The following MKRN1 variants were observed in gnomAD, a reference collection of about 807,000 sequenced individuals.
MKRN1 encodes E3 ubiquitin-protein ligase makorin-1.
Under a neutral mutation model 55.5 loss-of-function variants are expected in MKRN1, and 9 were observed. The ratio of observed to expected loss-of-function variants is 0.16; its 90% CI spans 0.10 to 0.28. MKRN1 has a LOEUF of 0.28. Among genes scored for constraint, MKRN1 ranks in the 10% least tolerant of loss-of-function variants. MKRN1 has a pLI of 1.00. For missense variants in MKRN1, 488 were observed against 626.7 expected, an observed-to-expected ratio of 0.78 and a Z score of 2.36; for synonymous variants, 253 against 235.9, an observed-to-expected ratio of 1.07 and a Z score of -0.66.
chr7:140,472,145 C>A (rs1794947094), intron 1 of MKRN1, 134 bp from the exon 2 acceptor site: 1 of 1,215,802 alleles, frequency 8.2e-7, no homozygotes, highest in East Asian at 2.6e-5. Flanking sequence ...AAGGGCCAGG[C>A]ATGGTGGCTC....
Position 140,469,250 on chromosome 7 carries a change from C to T in MKRN1, c.314+2633G>A, listed in dbSNP as rs553702121. Among the ~76,000 whole-genome samples the T allele has an allele frequency of 4.0e-5, 6 of 151,328 alleles. No individual in the cohort carries two copies. The East Asian group carries it at 7.8e-4, about 20-fold the overall frequency. On this transcript the variant is annotated intron_variant, in intron 2 of 7. Transcript: ENST00000255977. Reference sequence around the variant, plus strand: ...CTGAGGCAGGAGAATGGCGTGAACCCGGGAGGCGGAGCTTGCAGTGAGCTG... The same window carrying T: ...CTGAGGCAGGAGAATGGCGTGAACCTGGGAGGCGGAGCTTGCAGTGAGCTG...
chr7:140,479,517 T>C (rs941468795), upstream of MKRN1: 3 of 628,144 alleles, frequency 4.8e-6, no homozygotes, highest in South Asian at 2.0e-4. Context: ...CCACTTCAAC[T>C]GCGGGCCCAG....
intron 2 of MKRN1, among the ~76,000 whole-genome samples, chr7:140,463,101 C>T (rs577083606): frequency 2.0e-5 from 3 of 152,330 alleles, no homozygotes; most frequent in East Asian, 3.9e-4. Context: ...TCTCCAAAGA[C>T]ATTCATATTC....
intron 2 of MKRN1, among the ~76,000 whole-genome samples, chr7:140,462,987 C>T (rs1335044114): frequency 5.9e-5 from 9 of 151,960 alleles, no homozygotes; most frequent in Non-Finnish European, 1.0e-4. Context: ...AGACTATGCG[C>T]GGTGGCTCAT....
At chr7:140,476,796 T>TAG (rs1795130996) in intron 1 of MKRN1, among the ~76,000 whole-genome samples, 1 of 151,792 alleles carries the variant, frequency 6.6e-6, no homozygotes, top group South Asian at 2.1e-4. Flanking sequence ...ATAAGGATCA[T>TAG]AGACCGGGTG....
intron 1 of MKRN1, among the ~76,000 whole-genome samples, chr7:140,474,922 T>C (rs1291693074): frequency 6.6e-6 from 1 of 151,934 alleles, no homozygotes; most frequent in East Asian, 1.9e-4. Context: ...TTTCGTCATG[T>C]TGGCCAGGCT....
Position 140,456,024 on chromosome 7 carries a change from G to A in MKRN1, c.987-124C>T, listed in dbSNP as rs139345958. 8.3e-5 allele frequency: 86 copies of A among 1,032,980 alleles called. No individual in the cohort carries two copies. The African/African-American group carries it at 1.2e-3, about 14-fold the overall frequency. 64.0% of individuals were successfully genotyped at this position (1,032,980 alleles called of 1,614,324 possible). A position where few individuals can be genotyped will look rare whatever the true frequency, so the allele number is the denominator to read the frequency against. The stretch of plus-strand genomic sequence containing the variant: ...ACTGAAAGGCACGTGGGCATTTCCT[G>A]AAAGGGTTCCACATACTGTCACACA... On this transcript the variant is annotated intron_variant, in intron 5 of 7. Transcript: ENST00000255977.
At chr7:140,476,807 C>T (rs570361442) in intron 1 of MKRN1, among the ~76,000 whole-genome samples, 32 of 151,952 alleles carry the variant, frequency 2.1e-4, no homozygotes, top group Admixed American at 5.9e-4. Flanking sequence ...AGACCGGGTG[C>T]GGTGGCTCAC....
At chr7:140,460,246 C>CAAAAA (rs58698651) in intron 2 of MKRN1, 8 of 77,262 alleles carry the variant, frequency 1.0e-4, no homozygotes, top group South Asian at 7.6e-4. Context: ...GACTCCGTCT[C>CAAAAA]AAAAAAAAAA....
Position 140,476,202 on chromosome 7 carries a change from A to G in MKRN1, c.185+2958T>C, listed in dbSNP as rs371916087. ...TTTAGGTGATGTTTACCTAGCAAAC[A>G]TATTGAAAATGTTTATTTATAATAC... On this transcript the variant is annotated intron_variant, in intron 1 of 7. Coordinates refer to ENST00000255977, the MANE Select transcript of MKRN1 (RefSeq NM_013446.4). 4.6e-5 allele frequency among the ~76,000 whole-genome samples: 7 copies of G among 152,214 alleles called. No individual in the cohort carries two copies. The East Asian group carries it at 1.2e-3, about 25-fold the overall frequency.
intron 2 of MKRN1, among the ~76,000 whole-genome samples, chr7:140,461,764 A>T (rs1426808061): frequency 1.6e-4 from 25 of 152,006 alleles, no homozygotes; most frequent in Admixed American, 1.6e-3. Flanking sequence ...CGGGTGGATC[A>T]CCTGAGGTTG....
Position 140,479,449 on chromosome 7 carries a change from A to G in MKRN1, c.-105T>C. 1 of 1,147,214 alleles carries G rather than the reference A, an allele frequency of 8.7e-7. No individual in the cohort carries two copies. Among genetic ancestry groups the G allele is most frequent in the Non-Finnish European group, 1.1e-6 (1 of 905,224 alleles). 71.1% of individuals were successfully genotyped at this position (1,147,214 alleles called of 1,614,324 possible). On this transcript the variant is annotated 5_prime_UTR_variant, in exon 1 of 8. Transcript: ENST00000255977. ...GAGGCCAGGCGAGGGGAGGGGAAGG[A>G]CACTGAGGCACCCGTTCGGTCCCCG...
intron 2 of MKRN1, among the ~76,000 whole-genome samples, chr7:140,463,629 T>C (rs1273743388): frequency 1.3e-5 from 2 of 152,086 alleles, no homozygotes; most frequent in East Asian, 1.9e-4. Flanking sequence ...CTCACGCCTG[T>C]AATCCCAGCA....
Position 140,453,115 on chromosome 7 carries a change from G to A in MKRN1, c.*1402C>T, listed in dbSNP as rs1483043972. 6.6e-6 allele frequency: 1 copy of A among 152,486 alleles called. No homozygotes were observed. 9.4% of individuals were successfully genotyped at this position (152,486 alleles called of 1,614,324 possible). ...CAAAAGGGCAGCTGCAAAATACAGA[G>A]ACCTCTGCAACAATTATTTGTTTTT... On this transcript the variant is annotated 3_prime_UTR_variant, in exon 8 of 8. Coordinates refer to ENST00000255977, the MANE Select transcript of MKRN1 (RefSeq NM_013446.4).
intron 2 of MKRN1, among the ~76,000 whole-genome samples, chr7:140,462,309 C>T (rs1323860972): frequency 6.6e-6 from 1 of 152,150 alleles, no homozygotes; most frequent in African/African-American, 2.4e-5. Flanking sequence ...GCATGAGCCA[C>T]CGTGCTCGGC....
chr7:140,479,277 G>A lies in MKRN1; in HGVS notation c.68C>T (p.Ala23Val). 1 of 1,389,282 alleles carries A rather than the reference G, an allele frequency of 7.2e-7. No individual in the cohort carries two copies. The highest frequency in any genetic ancestry group is 9.3e-7 in the Non-Finnish European group (1 of 1,071,914). The allele number at this position is 1,389,282 out of a possible 1,614,324, so 86.1% of individuals were successfully genotyped here. A position where few individuals can be genotyped will look rare whatever the true frequency, so the allele number is the denominator to read the frequency against. ...TSGAGAAAATAAAASPTPIPT... is the reference protein window; with the variant it reads ...TSGAGAAAATVAAASPTPIPT... ...GATCGGGGTGGGGGAGGCTGCTGCC[G>A]CCGTCGCCGCTGCCGCTCCTGCTCC... is the stretch of plus-strand genomic sequence containing the variant. Residue 23 changes from alanine to valine, a missense_variant, in exon 1 of 8, where the codon GCG becomes GTG. Physicochemically the swap from Ala to Val is moderately conservative, Grantham distance 64. Coordinates refer to ENST00000255977, the MANE Select transcript of MKRN1 (RefSeq NM_013446.4).
rs1365641693 is a variant in MKRN1 at position 140,459,018 on chromosome 7, G to C, written c.760C>G (p.Gln254Glu). 2 of 1,613,760 alleles carry C rather than the reference G, an allele frequency of 1.2e-6. No homozygotes were observed. The highest frequency in any genetic ancestry group is 3.3e-5 in the Admixed American group (2 of 59,984). The stretch of plus-strand genomic sequence containing the variant: ...CCCTAAAGACTTACTTTGATATGCT[G>C]CGATCTCTGGGCAGCATCCATTGGA... ...LHPMDAAQRS[Q>E]HIKSCIEAHE... Residue 254 changes from glutamine (Q) to glutamate (E), a missense_variant, in exon 4 of 8, where the codon CAG becomes GAG. Gln to Glu is a conservative substitution (Grantham distance 29). This residue lies in a region of MKRN1 where 278 missense variants were observed against 406.7 expected (regional missense o/e 0.68). Coordinates refer to ENST00000255977, the MANE Select transcript of MKRN1 (RefSeq NM_013446.4).
At chr7:140,466,067 G>A (rs1024179147) in intron 2 of MKRN1, among the ~76,000 whole-genome samples, 18 of 152,088 alleles carry the variant, frequency 1.2e-4, no homozygotes, top group Middle Eastern at 3.4e-3. Flanking sequence ...GTGACAGAGC[G>A]AGACTCCATC....
At chr7:140,476,608 T>C (rs1795124831) in intron 1 of MKRN1, among the ~76,000 whole-genome samples, 1 of 150,648 alleles carries the variant, frequency 6.6e-6, no homozygotes, top group African/African-American at 2.5e-5. Flanking sequence ...TGGGTAATTC[T>C]AGGTATATGA....
Sources: gnomAD v4.1 joint callset for allele counts (sites outside exome capture counted in the v4.1 genomes callset) on GRCh38, gnomAD v4.1.1 for gene constraint, gnomAD v4.1.1 regional missense constraint, MANE v1.5 for transcripts, NCBI Gene and HGNC (gene_info 2026-07-23, HGNC 2026-07-21) for gene names.